The following PCNX1 variants were observed in gnomAD, a reference collection of about 807,000 sequenced individuals.
The protein encoded by PCNX1 is pecanex 1, also known as pecanex-like protein 1.
A neutral mutation model predicts 242.2 loss-of-function variants in PCNX1; 78 were observed. The ratio of observed to expected loss-of-function variants is 0.32; its 90% CI spans 0.27 to 0.39. The LOEUF (loss-of-function observed/expected upper bound fraction) is 0.39, where lower values mean the gene tolerates loss of function less well. PCNX1 is among the 10% of genes least tolerant of loss of function. The pLI, the probability that PCNX1 is intolerant of heterozygous loss-of-function variation, is 1.00. For missense variants in PCNX1, 2,581 were observed against 2,856.5 expected (o/e 0.90, Z 2.20); for synonymous variants, 1,024 against 1,032.9 (o/e 0.99, Z 0.17).
intron 8 of PCNX1, among the ~76,000 whole-genome samples, chr14:71,007,016 A>G (rs1434936803): frequency 6.6e-6 from 1 of 152,146 alleles, no homozygotes. Flanking sequence ...AAAGAAAAGC[A>G]CTGTTGAAGT....
chr14:71,050,835 C>T, intron 23 of PCNX1, 75 bp downstream of exon 23: 1 of 1,329,694 alleles, frequency 7.5e-7, no homozygotes, highest in Non-Finnish European at 1.1e-6. Context: ...TAGGCATGAC[C>T]TTTCATGGTG....
chr14:71,008,326 C>T (rs533689177), intron 8 of PCNX1, among the ~76,000 whole-genome samples: 8 of 152,012 alleles, frequency 5.3e-5, no homozygotes, highest in Non-Finnish European at 1.0e-4. Flanking sequence ...GAAAATCTGA[C>T]TTTTAGCCTT....
intron 26 of PCNX1, among the ~76,000 whole-genome samples, chr14:71,071,868 T>C (rs997659724): frequency 6.6e-6 from 1 of 152,218 alleles, no homozygotes; most frequent in Non-Finnish European, 1.5e-5. Context: ...TGTAGTGTTA[T>C]AAATTGCCCA....
At chr14:70,931,519 G>T (rs577237953) in intron 1 of PCNX1, among the ~76,000 whole-genome samples, 9 of 152,144 alleles carry the variant, frequency 5.9e-5, no homozygotes, top group African/African-American at 2.2e-4. Context: ...TACAATTTAC[G>T]ATAGGATTAG....
chr14:71,025,643 CA>C (rs1367554882), intron 13 of PCNX1, among the ~76,000 whole-genome samples: 1 of 151,898 alleles, frequency 6.6e-6, no homozygotes, highest in Non-Finnish European at 1.5e-5. Context: ...TGTGGGAGCC[CA>C]ATGTGGGCAG....
At chr14:71,004,156 A>G (rs2059588687) in intron 8 of PCNX1, among the ~76,000 whole-genome samples, 2 of 152,238 alleles carry the variant, frequency 1.3e-5, no homozygotes, top group Non-Finnish European at 2.9e-5. Flanking sequence ...TTACAGTTGT[A>G]GACTTGAATT....
At chr14:70,961,870 T>C (rs1397122015) in intron 2 of PCNX1, among the ~76,000 whole-genome samples, 1 of 152,224 alleles carries the variant, frequency 6.6e-6, no homozygotes, top group Non-Finnish European at 1.5e-5. Context: ...CTCTTTGCTC[T>C]AGGGAAGCAA....
chr14:71,031,852 A>G (rs2060394959), intron 16 of PCNX1: 9 of 1,474,194 alleles, frequency 6.1e-6, no homozygotes, highest in Non-Finnish European at 8.5e-6. Context: ...CTTCAGGTAG[A>G]CACACTGTTT....
intron 27 of PCNX1, among the ~76,000 whole-genome samples, chr14:71,074,790 G>A (rs1302093379): frequency 6.6e-6 from 1 of 152,078 alleles, no homozygotes; most frequent in African/African-American, 2.4e-5. Context: ...GAACCCAAGG[G>A]TAAAGGCCAA....
chr14:71,080,638 T>C (rs1340333422), intron 28 of PCNX1, among the ~76,000 whole-genome samples: 1 of 152,216 alleles, frequency 6.6e-6, no homozygotes, highest in Non-Finnish European at 1.5e-5. Flanking sequence ...GTAGCAATTG[T>C]GAATGGAAGT....
At chr14:70,969,358 G>T in intron 5 of PCNX1, 1 of 337,840 alleles carries the variant, frequency 3.0e-6, no homozygotes, top group Non-Finnish European at 5.5e-6. Flanking sequence ...ATATGCCCCA[G>T]AGTGAATATG....
intron 30 of PCNX1, among the ~76,000 whole-genome samples, chr14:71,090,725 A>G (rs903148158): frequency 6.6e-6 from 1 of 152,234 alleles, no homozygotes; most frequent in East Asian, 1.9e-4. Context: ...CTTTATAAGA[A>G]ATATTCTCTT....
chr14:70,918,372 T>G (rs993527530), intron 1 of PCNX1, among the ~76,000 whole-genome samples: 2 of 152,200 alleles, frequency 1.3e-5, no homozygotes, highest in African/African-American at 4.8e-5. Flanking sequence ...CACTCTTTAC[T>G]ATCGTCTGTG....
chr14:71,053,181 T>C, intron 24 of PCNX1: 1 of 435,192 alleles, frequency 2.3e-6, no homozygotes, highest in South Asian at 1.7e-5. Context: ...TTATTATTCC[T>C]CTGGACCAAT....
At chr14:71,007,040 T>G (rs957664901) in intron 8 of PCNX1, among the ~76,000 whole-genome samples, 4 of 152,178 alleles carry the variant, frequency 2.6e-5, no homozygotes, top group African/African-American at 9.6e-5. Flanking sequence ...GTACTTCTGT[T>G]AAAATCATAG....
At chr14:70,971,791 G>A (rs2058550013) in intron 5 of PCNX1, among the ~76,000 whole-genome samples, 1 of 152,200 alleles carries the variant, frequency 6.6e-6, no homozygotes. Context: ...CCTCCACGCA[G>A]AGGGAACAGC....
At chr14:70,942,428 A>G (rs2057290309) in intron 1 of PCNX1, among the ~76,000 whole-genome samples, 1 of 152,262 alleles carries the variant, frequency 6.6e-6, no homozygotes, top group Non-Finnish European at 1.5e-5. Context: ...TAGAAAAAAC[A>G]AACTCTTCTC....
chr14:70,910,229 T>TCCTCCTCCTCCTCCTC (rs1375541677), intron 1 of PCNX1, among the ~76,000 whole-genome samples: 1 of 69,488 alleles, frequency 1.4e-5, no homozygotes, highest in Non-Finnish European at 3.2e-5. Context: ...CTCCTCCTCC[T>TCCTCCTCCTCCTCCTC]CTCACCAGCA....
At chr14:71,067,150 T>C (rs1367369442) in intron 26 of PCNX1, among the ~76,000 whole-genome samples, 3 of 152,066 alleles carry the variant, frequency 2.0e-5, no homozygotes, top group Non-Finnish European at 4.4e-5. Flanking sequence ...GAGGAGTCCC[T>C]CTCTTTTTAT....
Sources: gnomAD v4.1 joint callset for allele counts (sites outside exome capture counted in the v4.1 genomes callset) on GRCh38, gnomAD v4.1.1 for gene constraint, MANE v1.5 for transcripts, NCBI Gene and HGNC (gene_info 2026-07-23, HGNC 2026-07-21) for gene names.